The following ZNF407 variants were observed in gnomAD, a reference collection of about 807,000 sequenced individuals.
ZNF407 encodes zinc finger protein 407.
Under a neutral mutation model 131.2 loss-of-function variants are expected in ZNF407, and 17 were observed. The observed-to-expected ratio is 0.13, with a 90% CI of 0.09 to 0.19. The LOEUF is 0.19. Ranked by LOEUF, ZNF407 falls within the 10% of genes least tolerant of loss-of-function variation. The pLI is 1.00. For synonymous variants in ZNF407, 1,156 were observed against 1,062.0 expected (o/e 1.09, Z -1.72); for missense variants, 2,681 against 2,830.6 (o/e 0.95, Z 1.20).
chr18:75,054,350 T>A (rs1973537039), intron 8 of ZNF407, among the ~76,000 whole-genome samples: 1 of 152,238 alleles, frequency 6.6e-6, no homozygotes, highest in African/African-American at 2.4e-5. Flanking sequence ...TCTACCTTCA[T>A]ATGAAAGTGT....
At chr18:74,827,888 T>A (rs1413126843) in intron 4 of ZNF407, among the ~76,000 whole-genome samples, 1 of 152,220 alleles carries the variant, frequency 6.6e-6, no homozygotes, top group Non-Finnish European at 1.5e-5. Context: ...TAATTTTAGC[T>A]TTTAGCCTTC....
At chr18:74,973,936 A>G (rs1047149030) in intron 8 of ZNF407, among the ~76,000 whole-genome samples, 4 of 152,180 alleles carry the variant, frequency 2.6e-5, no homozygotes, top group Non-Finnish European at 5.9e-5. Flanking sequence ...TTCTTAACTA[A>G]TTAACATCTA....
rs550650763 is a variant in ZNF407 at position 74,659,962 on chromosome 18, G to A, written c.4802+18840G>A. Among the ~76,000 whole-genome samples, 6 of 152,080 alleles carry A rather than the reference G, an allele frequency of 3.9e-5. No homozygotes were observed. The South Asian group carries it at 1.2e-3, about 32-fold the overall frequency. On this transcript the variant is annotated intron_variant, in intron 3 of 8. Transcript: ENST00000299687. ...TCAAACCCTTTTTGTCAGGACACCGGGCAAAACAATGATGCTTTGAGGACG... is the reference window on the plus strand; with the variant it reads ...TCAAACCCTTTTTGTCAGGACACCGAGCAAAACAATGATGCTTTGAGGACG...
chr18:75,060,727 G>A (rs371969437), intron 8 of ZNF407, among the ~76,000 whole-genome samples: 11 of 151,282 alleles, frequency 7.3e-5, no homozygotes, highest in African/African-American at 2.4e-4. Context: ...GGATGGTCTC[G>A]ATCTCCTGAC....
chr18:74,706,571 G>A lies in ZNF407; in HGVS notation c.4802+65449G>A, dbSNP rs139546514. Among the ~76,000 whole-genome samples the A allele has an allele frequency of 2.2e-4, 34 of 152,252 alleles. No homozygotes were observed. In the East Asian group the frequency reaches 6.6e-3, roughly 29 times the overall value. On this transcript the variant is annotated intron_variant, in intron 3 of 8. Coordinates refer to ENST00000299687, the MANE Select transcript of ZNF407 (RefSeq NM_017757.3). Reference sequence around the variant, plus strand: ...GTGTGGTTCAGCTCTGAACAGCACTGACCAAGTCTCCACCTGGAACTCACC... The same window carrying A: ...GTGTGGTTCAGCTCTGAACAGCACTAACCAAGTCTCCACCTGGAACTCACC...
At chr18:74,773,031 C>T (rs1029523716) in intron 3 of ZNF407, among the ~76,000 whole-genome samples, 2 of 152,162 alleles carry the variant, frequency 1.3e-5, no homozygotes, top group African/African-American at 2.4e-5. Flanking sequence ...GAATGTTGGA[C>T]GTGCTTTACA....
intron 4 of ZNF407, among the ~76,000 whole-genome samples, chr18:74,786,362 C>T (rs559552161): frequency 5.1e-4 from 77 of 152,230 alleles, no homozygotes; most frequent in Non-Finnish European, 8.1e-4. Flanking sequence ...TTTTATGAAA[C>T]TTTTCAGTCA....
At chr18:74,829,150 A>G (rs937550922) in intron 4 of ZNF407, among the ~76,000 whole-genome samples, 2 of 152,246 alleles carry the variant, frequency 1.3e-5, no homozygotes. Context: ...AAGAACTGTC[A>G]TGTGACTCAC....
intron 5 of ZNF407, among the ~76,000 whole-genome samples, chr18:74,879,339 C>T (rs963626187): frequency 2.6e-5 from 4 of 152,094 alleles, no homozygotes; most frequent in African/African-American, 9.7e-5. Flanking sequence ...CTCCCACTAG[C>T]ACACACCACC....
At chr18:74,857,293 A>G (rs989387233) in intron 4 of ZNF407, among the ~76,000 whole-genome samples, 8 of 152,222 alleles carry the variant, frequency 5.3e-5, no homozygotes, top group Non-Finnish European at 1.0e-4. Flanking sequence ...TTCTTCTGCT[A>G]ATTTTGGGGG....
intron 4 of ZNF407, among the ~76,000 whole-genome samples, chr18:74,871,070 T>C (rs1971080063): frequency 6.6e-6 from 1 of 152,200 alleles, no homozygotes; most frequent in Non-Finnish European, 1.5e-5. Context: ...CAGGATTTTG[T>C]GAGTGTCTTC....
chr18:74,805,159 C>A (rs774095330), intron 4 of ZNF407, among the ~76,000 whole-genome samples: 23 of 152,162 alleles, frequency 1.5e-4, no homozygotes, highest in Admixed American at 4.6e-4. Flanking sequence ...AGAACATAGT[C>A]ACACACCTTG....
At chr18:74,809,545 A>T (rs1029698644) in intron 4 of ZNF407, among the ~76,000 whole-genome samples, 2 of 152,184 alleles carry the variant, frequency 1.3e-5, no homozygotes, top group Non-Finnish European at 2.9e-5. Context: ...AAGGTAGATG[A>T]TGGGCAAGAA....
intron 1 of ZNF407, among the ~76,000 whole-genome samples, chr18:74,607,906 C>T (rs1451535786): frequency 6.6e-6 from 1 of 152,202 alleles, no homozygotes; most frequent in Admixed American, 6.5e-5. Context: ...ATCCCAATCA[C>T]AGGCTCTTCC....
intron 5 of ZNF407, among the ~76,000 whole-genome samples, chr18:74,880,378 G>A (rs934390200): frequency 6.6e-6 from 1 of 152,188 alleles, no homozygotes; most frequent in African/African-American, 2.4e-5. Flanking sequence ...AAGATGAATA[G>A]TATGAATTTT....
chr18:74,827,154 C>T (rs1223668776), intron 4 of ZNF407, among the ~76,000 whole-genome samples: 2 of 152,078 alleles, frequency 1.3e-5, no homozygotes, highest in Non-Finnish European at 2.9e-5. Context: ...AAATGTCCCT[C>T]GGTTTGGATT....
intron 1 of ZNF407, among the ~76,000 whole-genome samples, chr18:74,629,226 T>C (rs562244812): frequency 5.3e-5 from 8 of 152,360 alleles, no homozygotes; most frequent in African/African-American, 1.7e-4. Flanking sequence ...GCTTGTTATC[T>C]GATTTTTTGA....
intron 7 of ZNF407, among the ~76,000 whole-genome samples, chr18:74,900,254 G>A (rs755537832): frequency 6.6e-6 from 1 of 152,096 alleles, no homozygotes; most frequent in African/African-American, 2.4e-5. Context: ...CCTGTGGGTC[G>A]TCTCTCTGCA....
chr18:74,685,293 C>G (rs1967070961), intron 3 of ZNF407, among the ~76,000 whole-genome samples: 1 of 152,064 alleles, frequency 6.6e-6, no homozygotes, highest in Non-Finnish European at 1.5e-5. Flanking sequence ...CATTGAAACA[C>G]CCACGTGAAG....
Sources: allele counts gnomAD v4.1 joint callset (sites outside exome capture counted in the v4.1 genomes callset), GRCh38; gene constraint gnomAD v4.1.1; transcripts MANE v1.5; gene names NCBI Gene and HGNC (gene_info 2026-07-23, HGNC 2026-07-21).